Variants in RORA observed in about 807,000 individuals in gnomAD.
RORA encodes the protein RAR related orphan receptor A.
In RORA, 7 loss-of-function variants were observed where a neutral mutation model predicts 69.5. The ratio of observed to expected loss-of-function variants is 0.10; its 90% CI spans 0.06 to 0.19. RORA has a LOEUF of 0.19. Ranked by LOEUF, RORA falls within the 10% of genes least tolerant of loss-of-function variation. The pLI is 1.00. For synonymous variants in RORA, 261 were observed against 240.8 expected, an observed-to-expected ratio of 1.08 and a Z score of -0.78; for missense variants, 457 against 663.0, an observed-to-expected ratio of 0.69 and a Z score of 3.41.
chr15:60,886,341 CT>C lies in RORA; in HGVS notation c.167-207656del, dbSNP rs376130846. Among the ~76,000 whole-genome samples the C allele has an allele frequency of 4.5e-4, 69 of 152,296 alleles. 1 individual carries two copies. In the East Asian group the frequency reaches 0.011, roughly 24 times the overall value. ...GACAAAGGTGAGCAGGTGGGGGCCC[CT>C]GGATATGTTTCCCATCTCCCGGTCC... is the stretch of plus-strand genomic sequence containing the variant. On this transcript the variant is annotated intron_variant, in intron 1 of 10. Transcript: ENST00000335670.
chr15:61,066,418 C>CTTTTTTTTTTTTTTTTTTTTTGT (rs2078259154), intron 1 of RORA, among the ~76,000 whole-genome samples: 1 of 80,918 alleles, frequency 1.2e-5, no homozygotes, highest in Non-Finnish European at 2.3e-5. Flanking sequence ...GGGCATATTC[C>CTTTTTTTTTTTTTTTTTTTTTGT]TTTTTTTTTT....
At chr15:61,137,651 C>T (rs188490785) in intron 1 of RORA, among the ~76,000 whole-genome samples, 182 of 152,302 alleles carry the variant, frequency 1.2e-3, no homozygotes, top group Admixed American at 3.0e-3. Context: ...GGGCTCAGAA[C>T]ACAGCTAAAG....
At position 61,070,439 on chromosome 15, in the gene RORA, G is replaced by A. The variant is rs147375226; in HGVS notation, c.166+158614C>T. Among the ~76,000 whole-genome samples, 1,248 of 152,242 alleles carry A rather than the reference G, an allele frequency of 8.2e-3. 14 individuals are homozygous for A. The highest frequency in any genetic ancestry group is 0.029 in the African/African-American group (1,197 of 41,534). ...ACCCCAACACCATATAAGCAGCCAC[G>A]AACATCTCCTTAAGAAGTCTCAATT... On this transcript the variant is annotated intron_variant, in intron 1 of 10. Transcript: ENST00000335670.
intron 1 of RORA, among the ~76,000 whole-genome samples, chr15:60,768,004 C>T (rs2072015846): frequency 6.6e-6 from 1 of 152,342 alleles, no homozygotes; most frequent in African/African-American, 2.4e-5. Context: ...CTACTCCATG[C>T]AGGGTGGCCT....
intron 1 of RORA, among the ~76,000 whole-genome samples, chr15:60,754,226 C>G (rs572018899): frequency 2.0e-5 from 3 of 152,318 alleles, no homozygotes; most frequent in Admixed American, 1.3e-4. Flanking sequence ...GCTTTTCCAC[C>G]TTGTGAGAAC....
chr15:61,224,518 T>C (rs2080128510), intron 1 of RORA, among the ~76,000 whole-genome samples: 1 of 152,134 alleles, frequency 6.6e-6, no homozygotes, highest in South Asian at 2.1e-4. Context: ...ATGCTTAAGA[T>C]ACCATACCAT....
At chr15:61,187,073 A>G (rs1398665230) in intron 1 of RORA, among the ~76,000 whole-genome samples, 1 of 152,240 alleles carries the variant, frequency 6.6e-6, no homozygotes, top group Non-Finnish European at 1.5e-5. Context: ...AGAAATATTC[A>G]TCCTGTCCAT....
intron 1 of RORA, among the ~76,000 whole-genome samples, chr15:60,711,688 C>T (rs1161061988): frequency 2.0e-5 from 3 of 152,142 alleles, no homozygotes; most frequent in African/African-American, 7.2e-5. Flanking sequence ...AGTTTTCTAA[C>T]CTTCTGTCTC....
chr15:60,940,305 C>T (rs74817721), intron 1 of RORA, among the ~76,000 whole-genome samples: 2,035 of 152,290 alleles, frequency 0.013, 30 homozygotes, highest in African/African-American at 0.036. Context: ...ACTGTACGTC[C>T]ATACGATGGA....
rs1555435975 is a variant in RORA, at chr15:60,597,577, C to CACAT, written c.197-65727_197-65726insATGT. On this transcript the variant is annotated intron_variant, in intron 2 of 10. Coordinates refer to ENST00000335670, the MANE Select transcript of RORA (RefSeq NM_134261.3). ...ATATATATATATATATATATATACACATATATATATATATATACACATATA... is the reference window on the plus strand; with the variant it reads ...ATATATATATATATATATATATACACACATATATATATATATATATACACATATA... Among the ~76,000 whole-genome samples, 14 of 25,318 alleles carry CACAT rather than the reference C, an allele frequency of 5.5e-4. 1 individual carries two copies. The highest frequency in any genetic ancestry group is 1.3e-3 in the Admixed American group (2 of 1,542). The allele number at this position is 25,318 out of a possible 152,430, so 16.6% of individuals were successfully genotyped here.
intron 1 of RORA, among the ~76,000 whole-genome samples, chr15:61,191,794 C>A (rs1262833508): frequency 1.3e-5 from 2 of 152,196 alleles, no homozygotes; most frequent in African/African-American, 2.4e-5. Flanking sequence ...GATTCTGTGT[C>A]CTCACATTCT....
chr15:61,141,848 G>C (rs2079302086), intron 1 of RORA, among the ~76,000 whole-genome samples: 1 of 152,204 alleles, frequency 6.6e-6, no homozygotes, highest in South Asian at 2.1e-4. Flanking sequence ...TTTCACGTGA[G>C]CTTGGATTGG....
At chr15:61,032,979 G>T (rs1423726369) in intron 1 of RORA, among the ~76,000 whole-genome samples, 1 of 152,134 alleles carries the variant, frequency 6.6e-6, no homozygotes, top group East Asian at 1.9e-4. Context: ...AATACTTTAT[G>T]ATACTTACTC....
chr15:60,512,326 C>A (rs944095817), intron 4 of RORA, among the ~76,000 whole-genome samples: 2 of 152,292 alleles, frequency 1.3e-5, no homozygotes, highest in Admixed American at 1.3e-4. Context: ...CTCTCTGTCA[C>A]CCAGGCTGAA....
chr15:61,171,085 G>A (rs746472157), intron 1 of RORA, among the ~76,000 whole-genome samples: 21 of 152,128 alleles, frequency 1.4e-4, no homozygotes, highest in Admixed American at 2.6e-4. Flanking sequence ...ATTTAAGCCC[G>A]CCCTCTTTCC....
chr15:60,955,240 T>G (rs1421419940), intron 1 of RORA, among the ~76,000 whole-genome samples: 1 of 152,196 alleles, frequency 6.6e-6, no homozygotes, highest in East Asian at 1.9e-4. Context: ...AGGTGGAGTT[T>G]GCAGTGAGCC....
intron 9 of RORA, 72 bp downstream of exon 9, chr15:60,500,887 G>T (rs185887357): frequency 9.8e-6 from 8 of 819,736 alleles, no homozygotes; most frequent in South Asian, 6.4e-5. Context: ...GCTATTAAAC[G>T]TATGGGCCTT....
intron 2 of RORA, among the ~76,000 whole-genome samples, chr15:60,542,736 C>G (rs367788058): frequency 0.02 from 2,916 of 144,848 alleles, 169 homozygotes; most frequent in African/African-American, 0.08. Context: ...ACAGGCACAC[C>G]TCAAACGACA....
At chr15:61,004,780 A>C (rs2140384871) in intron 1 of RORA, among the ~76,000 whole-genome samples, 1 of 152,336 alleles carries the variant, frequency 6.6e-6, no homozygotes, top group South Asian at 2.1e-4. Flanking sequence ...TAGATTTTTT[A>C]AAGTGTAAAG....
Sources: allele counts gnomAD v4.1 joint callset (sites outside exome capture counted in the v4.1 genomes callset), GRCh38; gene constraint gnomAD v4.1.1; transcripts MANE v1.5; gene names NCBI Gene and HGNC (gene_info 2026-07-23, HGNC 2026-07-21).